Variants in CLCN6 observed in about 807,000 individuals in gnomAD.
CLCN6 encodes the protein Cl-/H+ antiporter 6.
A neutral mutation model predicts 109.8 loss-of-function variants in CLCN6; 70 were observed. The observed-to-expected ratio is 0.64, with a 90% confidence interval of 0.53 to 0.78. The LOEUF (loss-of-function observed/expected upper bound fraction) is 0.78. Among genes scored for constraint, CLCN6 ranks in the 30% least tolerant of loss-of-function variants. CLCN6 has a pLI of 0.00. For synonymous variants in CLCN6, 444 were observed against 447.8 expected (o/e 0.99, Z 0.11); for missense variants, 984 against 1,142.3 (o/e 0.86, Z 2.00).
At chr1:11,811,527 C>T (rs374351262) in intron 2 of CLCN6, among the ~76,000 whole-genome samples, 41 of 152,124 alleles carry the variant, frequency 2.7e-4, no homozygotes, top group African/African-American at 8.9e-4. Flanking sequence ...GGATTACAGG[C>T]GTCTGCCACC....
chr1:11,830,737 T>TATAATATATATATATATA lies in CLCN6; in HGVS notation c.1248+1415_1248+1416insATAATATATATATATATA, dbSNP rs1359328796. 3.4e-3 allele frequency among the ~76,000 whole-genome samples: 306 copies of TATAATATATATATATATA among 91,000 alleles called. 8 individuals are homozygous for TATAATATATATATATATA. The highest frequency in any genetic ancestry group is 0.011 in the African/African-American group (284 of 24,994). The allele number at this position is 91,000 out of a possible 152,430, so 59.7% of individuals were successfully genotyped here. On this transcript the variant is annotated intron_variant, in intron 13 of 22. Coordinates refer to ENST00000346436, the MANE Select transcript of CLCN6 (RefSeq NM_001286.5). ...CAGTGTCCCCAGTTATATGTATATATTATATATATATATATATATATATAT... is the reference window on the plus strand; with the variant it reads ...CAGTGTCCCCAGTTATATGTATATATATAATATATATATATATATATATATATATATATATATATATAT...
intron 2 of CLCN6, among the ~76,000 whole-genome samples, chr1:11,810,108 G>T (rs931891454): frequency 6.6e-6 from 1 of 152,124 alleles, no homozygotes; most frequent in African/African-American, 2.4e-5. Context: ...GAGTTATAGG[G>T]TTTTCTCTAC....
intron 2 of CLCN6, among the ~76,000 whole-genome samples, chr1:11,807,734 T>C (rs949537970): frequency 3.3e-5 from 5 of 152,182 alleles, no homozygotes; most frequent in African/African-American, 1.2e-4. Context: ...TTCTTAAACG[T>C]AATAAAGAAG....
intron 2 of CLCN6, among the ~76,000 whole-genome samples, chr1:11,811,283 A>G (rs540270002): frequency 6.6e-6 from 1 of 152,248 alleles, no homozygotes; most frequent in South Asian, 2.1e-4. Context: ...TTATTGCACT[A>G]TAATTGGCAT....
chr1:11,811,601 T>A lies in CLCN6; in HGVS notation c.148-4245T>A, dbSNP rs144992969. ...TTCTCCATGTTGGTCAGGCTGGTCT[T>A]GAACTCCTGGCCTCGGGTGATCCGC... On this transcript the variant is annotated intron_variant, in intron 2 of 22. Transcript: ENST00000346436. Among the ~76,000 whole-genome samples the A allele has an allele frequency of 8.9e-4, 135 of 152,306 alleles. 1 individual carries two copies. The East Asian group carries it at 0.025, about 29-fold the overall frequency.
At chr1:11,831,988 G>T (rs1644889377) in intron 13 of CLCN6, among the ~76,000 whole-genome samples, 1 of 152,352 alleles carries the variant, frequency 6.6e-6, no homozygotes, top group African/African-American at 2.4e-5. Context: ...CTTTAGTACA[G>T]AACTTCTAGG....
At position 11,807,203 on chromosome 1, in the gene CLCN6, G is replaced by A. The variant is rs1220523558; in HGVS notation, c.147+13G>A. 1.2e-6 allele frequency: 2 copies of A among 1,613,102 alleles called. No homozygotes were observed. Among genetic ancestry groups the A allele is most frequent in the Non-Finnish European group, 8.5e-7 (1 of 1,179,198 alleles). On this transcript the variant is annotated intron_variant, in intron 2 of 22. Transcript: ENST00000346436. ...GAAAGACTATGAGGTGAGCTCCTTT[G>A]ATACTGCTTGGGCAACTAAAGTAGT...
At chr1:11,811,182 G>A (rs1417176689) in intron 2 of CLCN6, among the ~76,000 whole-genome samples, 1 of 152,000 alleles carries the variant, frequency 6.6e-6, no homozygotes, top group East Asian at 1.9e-4. Flanking sequence ...CTGCACTCCA[G>A]CCTGGGTGAC....
intron 19 of CLCN6, 86 bp from the exon 20 acceptor site, chr1:11,837,257 A>C: frequency 3.8e-6 from 6 of 1,585,900 alleles, no homozygotes; most frequent in Non-Finnish European, 5.2e-6. Flanking sequence ...TTCCTGGGAA[A>C]GTTGGATGGG....
Position 11,833,452 on chromosome 1 carries a change from C to A in CLCN6, c.1249-63C>A. 1.9e-6 allele frequency: 3 copies of A among 1,567,744 alleles called. No individual in the cohort carries two copies. In the East Asian group the frequency reaches 6.7e-5, roughly 35 times the overall value. On this transcript the variant is annotated intron_variant, in intron 13 of 22. Coordinates refer to ENST00000346436, the MANE Select transcript of CLCN6 (RefSeq NM_001286.5). ...CACCTGTTTTGGACCCGGCTGGAGA[C>A]ATCCCACTTGAAGACTCAAAGTCAG...
rs1221128128 is a variant in CLCN6, at chr1:11,835,992, C to T, written c.1819C>T (p.Pro607Ser). 6.2e-7 allele frequency: 1 copy of T among 1,613,698 alleles called. No individual in the cohort carries two copies. The highest frequency in any genetic ancestry group is 1.1e-5 in the South Asian group (1 of 91,028). Reference sequence around the variant, plus strand: ...GCTGAGAGCCAGCGACATCATGGAGCCCAACCTGACCTACGTCTACCCGCA... The same window carrying T: ...GCTGAGAGCCAGCGACATCATGGAGTCCAACCTGACCTACGTCTACCCGCA... ...DKLRASDIME[P>S]NLTYVYPHTR... The change falls in exon 18 of 23, where the codon CCC (proline) becomes TCC (serine). Residue 607 changes from proline (P) to serine (S), a missense_variant. By Grantham distance (74) the Pro-to-Ser change is moderately conservative. Coordinates refer to ENST00000346436, the MANE Select transcript of CLCN6 (RefSeq NM_001286.5).
chr1:11,807,225 TAGTG>T, intron 2 of CLCN6, 35 bp downstream of exon 2: 2 of 1,574,198 alleles, frequency 1.3e-6, no homozygotes, highest in Non-Finnish European at 1.7e-6. Context: ...GCAACTAAAG[TAGTG>T]AGTGGCCTGG....
At chr1:11,813,121 A>G (rs1644623413) in intron 2 of CLCN6, among the ~76,000 whole-genome samples, 1 of 152,204 alleles carries the variant, frequency 6.6e-6, no homozygotes, top group African/African-American at 2.4e-5. Flanking sequence ...AGAAGAGTAT[A>G]GAAGCGTCTG....
At position 11,837,109 on chromosome 1, in the gene CLCN6, G is replaced by A; in HGVS notation, c.2091G>A (p.Glu697=). ...TGTGTGATGAGCACATCGCCTCTGA[G>A]GAGCCAGCCGAGAAGGAGGACCTCC... The part of the protein sequence containing the change: ...RNMCDEHIAS[E]EPAEKEDLLQ... The change falls in exon 19 of 23, where the codon GAG becomes GAA. Residue 697 remains glutamate, a synonymous_variant. Transcript: ENST00000346436. 1 of 1,613,348 alleles carries A rather than the reference G, an allele frequency of 6.2e-7. No individual in the cohort carries two copies. The highest frequency in any genetic ancestry group is 8.5e-7 in the Non-Finnish European group (1 of 1,180,022).
rs759831567 is a variant in CLCN6 at position 11,833,524 on chromosome 1, G to T, written c.1258G>T (p.Asp420Tyr). 6.2e-6 allele frequency: 10 copies of T among 1,613,890 alleles called. No homozygotes were observed. Among genetic ancestry groups the T allele is most frequent in the Non-Finnish European group, 7.6e-6 (9 of 1,179,942 alleles). ...GATTCCTTCTTCTCAGGTCACAGAA[G>T]ATGTGAATTCAAGTATCAAGACATT... ...NDSFQLQVTE[D>Y]VNSSIKTFFC... The change falls in exon 14 of 23, where the codon GAT becomes TAT. Residue 420 changes from aspartate to tyrosine, a missense_variant. Transcript: ENST00000346436.
intron 2 of CLCN6, among the ~76,000 whole-genome samples, chr1:11,812,710 G>A (rs1001035089): frequency 1.4e-5 from 2 of 143,828 alleles, no homozygotes; most frequent in East Asian, 2.0e-4. Context: ...GTGTGTGTGT[G>A]TATTGTTGGG....
chr1:11,813,538 G>A lies in CLCN6; in HGVS notation c.148-2308G>A, dbSNP rs534393518. On this transcript the variant is annotated intron_variant, in intron 2 of 22. Transcript: ENST00000346436. ...CCCTAGTAGCTGGGATTACAAGTGT[G>A]TGCCACCACACCCACCTAATTTGTG... is the stretch of plus-strand genomic sequence containing the variant. 1.1e-4 allele frequency among the ~76,000 whole-genome samples: 17 copies of A among 152,142 alleles called. No homozygotes were observed. The South Asian group carries it at 3.3e-3, about 30-fold the overall frequency.
chr1:11,828,529 C>T lies in CLCN6; in HGVS notation c.1026C>T (p.Val342=), dbSNP rs1644840974. 1 of 1,614,026 alleles carries T rather than the reference C, an allele frequency of 6.2e-7. No individual in the cohort carries two copies. The highest frequency in any genetic ancestry group is 1.3e-5 in the African/African-American group (1 of 74,900). The stretch of plus-strand genomic sequence containing the variant: ...TGGGTTTCTTCGTCGTGATGGGGGT[C>T]ATTGGGGGCCTCCTGGGAGCCACAT... ...MDLGFFVVMG[V]IGGLLGATFN... Residue 342 remains valine (V), a synonymous_variant, in exon 12 of 23, where the codon GTC becomes GTT. Transcript: ENST00000346436.
intron 10 of CLCN6, 104 bp downstream of exon 10, chr1:11,827,325 A>G (rs56190030): frequency 0.16 from 185,076 of 1,161,684 alleles, 14,632 homozygotes; most frequent in African/African-American, 0.26. Context: ...CTGGGGGGTC[A>G]ACTGGATCAG....
Sources: gnomAD v4.1 joint callset for allele counts (sites outside exome capture counted in the v4.1 genomes callset) on GRCh38, gnomAD v4.1.1 for gene constraint, MANE v1.5 for transcripts, NCBI Gene and HGNC (gene_info 2026-07-23, HGNC 2026-07-21) for gene names.